Variants in SOX5 observed in about 807,000 individuals in gnomAD.
SOX5 encodes SRY-box transcription factor 5, also known as transcription factor SOX-5.
A neutral mutation model predicts 92.0 loss-of-function variants in SOX5; 9 were observed. The ratio of observed to expected loss-of-function variants is 0.10; its 90% CI spans 0.06 to 0.17. The LOEUF (loss-of-function observed/expected upper bound fraction) is 0.17, where lower values mean the gene tolerates loss of function less well. Among genes scored for constraint, SOX5 ranks in the 10% least tolerant of loss-of-function variants. The probability of loss-of-function intolerance (pLI) is 1.00; values close to 1 mark genes in which losing one functional copy is unlikely to be tolerated. For synonymous variants in SOX5, 344 were observed against 336.3 expected, an observed-to-expected ratio of 1.02 and a Z score of -0.25; for missense variants, 642 against 944.5, an observed-to-expected ratio of 0.68 and a Z score of 4.20.
intron 6 of SOX5, among the ~76,000 whole-genome samples, chr12:23,685,069 T>G (rs2087279385): frequency 1.3e-5 from 2 of 152,120 alleles, no homozygotes; most frequent in Admixed American, 6.6e-5. Context: ...TAACTTAGCA[T>G]CATGTCACAC....
At chr12:23,916,169 C>G (rs912214725) in intron 1 of SOX5, among the ~76,000 whole-genome samples, 1 of 152,220 alleles carries the variant, frequency 6.6e-6, no homozygotes, top group Non-Finnish European at 1.5e-5. Flanking sequence ...GATTCACCCT[C>G]TTTCTTACAC....
intron 4 of SOX5, among the ~76,000 whole-genome samples, chr12:24,136,357 A>G (rs1228014903): frequency 6.6e-6 from 1 of 152,234 alleles, no homozygotes; most frequent in East Asian, 1.9e-4. Context: ...TTTCTGTTCT[A>G]CTTTTAATAG....
chr12:24,383,206 C>A (rs1052071899), intron 1 of SOX5, among the ~76,000 whole-genome samples: 1 of 152,192 alleles, frequency 6.6e-6, no homozygotes, highest in African/African-American at 2.4e-5. Flanking sequence ...GTGTGAACCA[C>A]CCCGCCTGGC....
intron 4 of SOX5, among the ~76,000 whole-genome samples, chr12:24,112,666 G>A (rs1182250806): frequency 6.6e-6 from 1 of 151,544 alleles, no homozygotes; most frequent in Non-Finnish European, 1.5e-5. Context: ...GAGTAGCTGG[G>A]ACTACAGGCA....
At chr12:24,261,450 T>C (rs1361970411) in intron 3 of SOX5, among the ~76,000 whole-genome samples, 1 of 152,178 alleles carries the variant, frequency 6.6e-6, no homozygotes, top group Non-Finnish European at 1.5e-5. Flanking sequence ...CTATATTACA[T>C]TTTACTTTTG....
chr12:24,212,520 T>C, intron 4 of SOX5: 1 of 528,794 alleles, frequency 1.9e-6, no homozygotes, highest in South Asian at 1.4e-5. Context: ...GAAGGAAGGA[T>C]TACAAGGAAG....
In SOX5 at chr12:24,427,563, T is replaced by C. The variant is rs529098081; in HGVS notation, c.-250-58924A>G. On this transcript the variant is annotated intron_variant, in intron 1 of 4. Coordinates refer to the SOX5 transcript ENST00000446891. The stretch of plus-strand genomic sequence containing the variant: ...TAATTGAGTGCAATCTTTTATCTGT[T>C]TCTATTCAGCATATGTAGTATATAT... Among the ~76,000 whole-genome samples, 85 of 152,348 alleles carry C rather than the reference T, an allele frequency of 5.6e-4. 1 individual carries two copies. Among genetic ancestry groups the C allele is most frequent in the African/African-American group, 1.9e-3 (80 of 41,584 alleles).
chr12:24,278,482 G>A (rs1187888082), intron 2 of SOX5, among the ~76,000 whole-genome samples: 1 of 152,102 alleles, frequency 6.6e-6, no homozygotes, highest in South Asian at 2.1e-4. Flanking sequence ...GGAGGCTGCA[G>A]CAAAAGTATT....
At chr12:23,969,755 C>T (rs1400222450) in intron 4 of SOX5, among the ~76,000 whole-genome samples, 1 of 152,154 alleles carries the variant, frequency 6.6e-6, no homozygotes, top group Non-Finnish European at 1.5e-5. Flanking sequence ...AAAGTGATAG[C>T]TTTACATCGG....
intron 3 of SOX5, among the ~76,000 whole-genome samples, chr12:24,260,402 G>A (rs1309616341): frequency 2.6e-5 from 4 of 152,162 alleles, no homozygotes; most frequent in Non-Finnish European, 5.9e-5. Flanking sequence ...ACTTAAAAGA[G>A]TTAATCCATA....
At chr12:24,034,836 G>A (rs1315700789) in intron 4 of SOX5, among the ~76,000 whole-genome samples, 1 of 152,042 alleles carries the variant, frequency 6.6e-6, no homozygotes, top group Non-Finnish European at 1.5e-5. Flanking sequence ...GGAAGCAAAT[G>A]TACTGTATAC....
At chr12:23,653,696 G>C (rs2081970956) in intron 7 of SOX5, among the ~76,000 whole-genome samples, 1 of 152,092 alleles carries the variant, frequency 6.6e-6, no homozygotes, top group South Asian at 2.1e-4. Flanking sequence ...TCACACTGTA[G>C]AAGGAGCAAG....
intron 4 of SOX5, among the ~76,000 whole-genome samples, chr12:23,993,138 G>C (rs186729226): frequency 6.6e-6 from 1 of 152,066 alleles, no homozygotes; most frequent in South Asian, 2.1e-4. Flanking sequence ...CTACACTCTG[G>C]TCTATAGGCT....
At chr12:24,184,414 C>G (rs1693521027) in intron 4 of SOX5, among the ~76,000 whole-genome samples, 1 of 151,954 alleles carries the variant, frequency 6.6e-6, no homozygotes, top group South Asian at 2.1e-4. Flanking sequence ...GTAAAGCTGC[C>G]AAATTCAAAC....
intron 2 of SOX5, among the ~76,000 whole-genome samples, chr12:24,340,596 C>A (rs148472176): frequency 2.0e-3 from 302 of 152,236 alleles, no homozygotes; most frequent in African/African-American, 6.8e-3. Context: ...AGCGTTCAGC[C>A]CAGTGATTTG....
chr12:24,159,680 A>G (rs1209916663), intron 4 of SOX5, among the ~76,000 whole-genome samples: 2 of 152,028 alleles, frequency 1.3e-5, no homozygotes, highest in African/African-American at 4.8e-5. Context: ...TTCATCTATC[A>G]GCTCATTTTA....
At chr12:24,059,862 A>G (rs943889389) in intron 4 of SOX5, among the ~76,000 whole-genome samples, 1 of 152,232 alleles carries the variant, frequency 6.6e-6, no homozygotes, top group Non-Finnish European at 1.5e-5. Flanking sequence ...TGTGGGAGAA[A>G]GACATGGTTC....
chr12:24,203,095 G>T (rs1957689291), intron 4 of SOX5, among the ~76,000 whole-genome samples: 1 of 152,074 alleles, frequency 6.6e-6, no homozygotes, highest in South Asian at 2.1e-4. Flanking sequence ...TTACTGTTAA[G>T]AAAGAGCTTT....
At chr12:24,433,559 A>G (rs1938792598) in intron 1 of SOX5, among the ~76,000 whole-genome samples, 1 of 152,210 alleles carries the variant, frequency 6.6e-6, no homozygotes, top group South Asian at 2.1e-4. Context: ...TAAATGTAAA[A>G]CAGGCAAAGA....
Sources: allele counts gnomAD v4.1 joint callset (sites outside exome capture counted in the v4.1 genomes callset), GRCh38; gene constraint gnomAD v4.1.1; transcripts MANE v1.5; gene names NCBI Gene and HGNC (gene_info 2026-07-23, HGNC 2026-07-21).